The following LHX1 variants were observed in gnomAD, a reference collection of about 807,000 sequenced individuals.
The protein encoded by LHX1 is LIM homeobox 1, also known as LIM/homeobox protein Lhx1.
A neutral mutation model predicts 34.1 loss-of-function variants in LHX1; 9 were observed. That is an observed-to-expected ratio of 0.26 (90% CI 0.16 to 0.46). LHX1 has a LOEUF of 0.46. LHX1 is among the 20% of genes least tolerant of loss of function. The pLI is 1.00. For synonymous variants in LHX1, 254 were observed against 241.5 expected (o/e 1.05, Z -0.48); for missense variants, 446 against 559.1 (o/e 0.80, Z 2.04).
chr17:36,938,308 C>T lies in LHX1; in HGVS notation c.111C>T (p.Asn37=). ...TCCAGTGCTGTGAATGTAAATGCAACCTGACCGAGAAGTGCTTCTCCAGGG... is the reference window on the plus strand; with the variant it reads ...TCCAGTGCTGTGAATGTAAATGCAATCTGACCGAGAAGTGCTTCTCCAGGG... ...KCVQCCECKC[N]LTEKCFSREG... is the part of the protein sequence containing the mutation. Residue 37 remains asparagine, a synonymous_variant, in exon 1 of 5, where the codon AAC becomes AAT. Coordinates refer to ENST00000614239, the MANE Select transcript of LHX1 (RefSeq NM_005568.5). 6.2e-7 allele frequency: 1 copy of T among 1,614,206 alleles called. No individual in the cohort carries two copies. Among genetic ancestry groups the T allele is most frequent in the Middle Eastern group, 1.6e-4 (1 of 6,062 alleles).
In LHX1 at chr17:36,943,127, G is replaced by C. The variant is rs748767388; in HGVS notation, c.1217G>C (p.Trp406Ser). Residue 406 changes from tryptophan to serine, a missense_variant, in exon 5 of 5, where the codon TGG becomes TCG. Physicochemically the swap from Trp to Ser is radical, Grantham distance 177 (BLOSUM62 -3). Around this residue, in one of 3 missense-constraint regions of LHX1, gnomAD observed 235 missense variants for 224.4 expected, o/e 1.05. Coordinates refer to ENST00000614239, the MANE Select transcript of LHX1 (RefSeq NM_005568.5). ...HPPEMNEAAV[W>S] ...CCCGAAATGAACGAGGCGGCCGTGT[G>C]GTAGCGGGGTCTCGCACGGTCTGCG... 6.2e-7 allele frequency: 1 copy of C among 1,612,330 alleles called. No individual in the cohort carries two copies. Among genetic ancestry groups the C allele is most frequent in the Non-Finnish European group, 8.5e-7 (1 of 1,179,798 alleles).
rs576591349 is a variant in LHX1 at position 36,944,597 on chromosome 17, G to T, written c.*1466G>T. On this transcript the variant is annotated 3_prime_UTR_variant, in exon 5 of 5. Coordinates refer to ENST00000614239, the MANE Select transcript of LHX1 (RefSeq NM_005568.5). ...AATTTGTGAGTTTTTAATAAAAATA[G>T]AAAATCTGATGTTTAGATAATTGGT... The T allele has an allele frequency of 1.9e-4, 29 of 152,288 alleles. No homozygotes were observed. The highest frequency in any genetic ancestry group is 6.5e-4 in the African/African-American group (27 of 41,560). 9.4% of individuals were successfully genotyped at this position (152,288 alleles called of 1,614,324 possible).
intron 4 of LHX1, 41 bp downstream of exon 4, chr17:36,942,406 C>A (rs921692516): frequency 1.9e-6 from 3 of 1,549,026 alleles, no homozygotes; most frequent in Non-Finnish European, 1.7e-6. Flanking sequence ...CAGGTCGGGG[C>A]GGGCTTCGTT....
chr17:36,941,120 G>A (rs1314680699), intron 3 of LHX1: 3 of 747,034 alleles, frequency 4.0e-6, no homozygotes, highest in Non-Finnish European at 7.0e-6. Flanking sequence ...GAGGGGGAGG[G>A]ACGGGAGTTC....
Position 36,942,879 on chromosome 17 carries a change from C to G in LHX1, c.969C>G (p.Pro323=). The part of the protein sequence containing the change: ...FVPSSGPSGT[P]LGGLEHPLPG... Reference sequence around the variant, plus strand: ...CGTCATCTGGGCCGTCCGGGACGCCCCTGGGTGGCCTGGAGCACCCGCTGC... The same window carrying G: ...CGTCATCTGGGCCGTCCGGGACGCCGCTGGGTGGCCTGGAGCACCCGCTGC... Residue 323 remains proline (P), a synonymous_variant, in exon 5 of 5, where the codon CCC becomes CCG. Coordinates refer to ENST00000614239, the MANE Select transcript of LHX1 (RefSeq NM_005568.5). 1 of 1,593,654 alleles carries G rather than the reference C, an allele frequency of 6.3e-7. No individual in the cohort carries two copies. The highest frequency in any genetic ancestry group is 8.5e-7 in the Non-Finnish European group (1 of 1,169,952).
chr17:36,938,671 T>C (rs2070745479), intron 1 of LHX1: 1 of 518,874 alleles, frequency 1.9e-6, no homozygotes, highest in Non-Finnish European at 3.5e-6. Flanking sequence ...GCCTCGGGCG[T>C]TGTAGCCCGG....
intron 1 of LHX1, among the ~76,000 whole-genome samples, chr17:36,939,224 T>G (rs1264104283): frequency 2.6e-5 from 4 of 152,218 alleles, no homozygotes; most frequent in Non-Finnish European, 5.9e-5. Flanking sequence ...CTCACAATTT[T>G]GCCGCTCCAT....
At chr17:36,942,087 G>A (rs2070768478) in intron 3 of LHX1, 113 bp from the exon 4 acceptor site, 9 of 1,087,548 alleles carry the variant, frequency 8.3e-6, no homozygotes, top group East Asian at 5.2e-5. Flanking sequence ...ACACACAAGC[G>A]CGCGCGCGCG....
At chr17:36,941,536 C>A (rs977692859) in intron 3 of LHX1, 15 of 249,238 alleles carry the variant, frequency 6.0e-5, no homozygotes, top group African/African-American at 3.0e-4. Context: ...TCCGGTTCAC[C>A]GGGCCTGATG....
intron 4 of LHX1, among the ~76,000 whole-genome samples, 171 bp from the exon 5 acceptor site, chr17:36,942,581 G>A (rs1388986873): frequency 1.3e-5 from 2 of 152,198 alleles, no homozygotes; most frequent in Non-Finnish European, 2.9e-5. Flanking sequence ...GGCAGCTCCC[G>A]GGCTTGCGCC....
intron 1 of LHX1, 121 bp from the exon 2 acceptor site, chr17:36,940,169 C>G: frequency 1.5e-6 from 1 of 676,706 alleles, no homozygotes; most frequent in South Asian, 1.7e-5. Flanking sequence ...TTCCTCCTCT[C>G]CTACTTCCTC....
In LHX1 at chr17:36,937,815, T is replaced by C. The variant is rs367563768; in HGVS notation, c.-383T>C. On this transcript the variant is annotated 5_prime_UTR_variant, in exon 1 of 5. Coordinates refer to ENST00000614239, the MANE Select transcript of LHX1 (RefSeq NM_005568.5). ...TCGGCGAGTCGTCGTCTTCTTCTTCTCCGTTTTTATTTATTTATTTCCGTT... is the reference window on the plus strand; with the variant it reads ...TCGGCGAGTCGTCGTCTTCTTCTTCCCCGTTTTTATTTATTTATTTCCGTT... 22 of 499,984 alleles carry C rather than the reference T, an allele frequency of 4.4e-5. No individual in the cohort carries two copies. The highest frequency in any genetic ancestry group is 2.8e-4 in the South Asian group (18 of 64,936). The allele number at this position is 499,984 out of a possible 1,614,324, so 31.0% of individuals were successfully genotyped here. A position where few individuals can be genotyped will look rare whatever the true frequency, so the allele number is the denominator to read the frequency against.
rs1390473319 is a variant in LHX1 at position 36,943,252 on chromosome 17, C to G, written c.*121C>G. 8.2e-7 allele frequency: 1 copy of G among 1,213,738 alleles called. No homozygotes were observed. The highest frequency in any genetic ancestry group is 1.1e-6 in the Non-Finnish European group (1 of 885,894). 75.2% of individuals were successfully genotyped at this position (1,213,738 alleles called of 1,614,324 possible). A position where few individuals can be genotyped will look rare whatever the true frequency, so the allele number is the denominator to read the frequency against. On this transcript the variant is annotated 3_prime_UTR_variant, in exon 5 of 5. Coordinates refer to ENST00000614239, the MANE Select transcript of LHX1 (RefSeq NM_005568.5). Reference sequence around the variant, plus strand: ...ACCCCCTTCCTCCAGCCTCGAGAACCATTCTCCTTCTGGGGAGACCGGATG... The same window carrying G: ...ACCCCCTTCCTCCAGCCTCGAGAACGATTCTCCTTCTGGGGAGACCGGATG...
rs552938457 is a variant in LHX1, at chr17:36,942,531, C to A, written c.841+166C>A. Among the ~76,000 whole-genome samples, 8 of 152,292 alleles carry A rather than the reference C, an allele frequency of 5.3e-5. No homozygotes were observed. The South Asian group carries it at 1.0e-3, about 20-fold the overall frequency. ...CAAGGGGAGGCGGCGAGACCGAGGA[C>A]CCAATTCACGGCCCTGAATAACGGG... On this transcript the variant is annotated intron_variant, in intron 4 of 4. Transcript: ENST00000614239.
chr17:36,940,552 G>T (rs755149226), intron 2 of LHX1, 36 bp downstream of exon 2: 4 of 1,613,622 alleles, frequency 2.5e-6, no homozygotes, highest in Middle Eastern at 1.6e-4. Flanking sequence ...AGGTGCAAGC[G>T]GGTCCTGGGG....
At chr17:36,942,492 G>A in intron 4 of LHX1, 127 bp downstream of exon 4, 1 of 1,064,430 alleles carries the variant, frequency 9.4e-7, no homozygotes, top group Non-Finnish European at 1.3e-6. Context: ...GTAGGGAGAA[G>A]GCTGGGAGTA....
rs748261059 is a variant in LHX1, at chr17:36,938,156, C to T, written c.-42C>T. ...GAGTCATCCCCTGGGCTCTACTTTG[C>T]CCCTCTCTCTCTCTGGGCCTCATCA... On this transcript the variant is annotated 5_prime_UTR_variant, in exon 1 of 5. Coordinates refer to ENST00000614239, the MANE Select transcript of LHX1 (RefSeq NM_005568.5). 6.2e-7 allele frequency: 1 copy of T among 1,601,346 alleles called. No individual in the cohort carries two copies. Among genetic ancestry groups the T allele is most frequent in the Admixed American group, 1.7e-5 (1 of 60,000 alleles).
rs892836227 is a variant in LHX1 at position 36,937,923 on chromosome 17, T to C, written c.-275T>C. On this transcript the variant is annotated 5_prime_UTR_variant, in exon 1 of 5. Transcript: ENST00000614239. ...ATTCTCTCCCGCCTGAGACTTCTTT[T>C]CCTCGCCCCGGGAGCTCAGGCGGCG... 6 of 600,682 alleles carry C rather than the reference T, an allele frequency of 1.0e-5. No individual in the cohort carries two copies. Among genetic ancestry groups the C allele is most frequent in the Non-Finnish European group, 1.8e-5 (6 of 330,690 alleles). The allele number at this position is 600,682 out of a possible 1,614,324, so 37.2% of individuals were successfully genotyped here.
chr17:36,942,376 G>A lies in LHX1; in HGVS notation c.841+11G>A, dbSNP rs1292036410. On this transcript the variant is annotated intron_variant, in intron 4 of 4. Transcript: ENST00000614239. Reference sequence around the variant, plus strand: ...TCTCCTTCTACGGAGGTGGGTGCGCGCCGAATGGCGGGGCGCGGCCAGGTC... The same window carrying A: ...TCTCCTTCTACGGAGGTGGGTGCGCACCGAATGGCGGGGCGCGGCCAGGTC... The A allele has an allele frequency of 6.4e-7, 1 of 1,573,906 alleles. No homozygotes were observed. The highest frequency in any genetic ancestry group is 1.4e-5 in the African/African-American group (1 of 74,044).
Sources: gnomAD v4.1 joint callset for allele counts (sites outside exome capture counted in the v4.1 genomes callset) on GRCh38, gnomAD v4.1.1 for gene constraint, gnomAD v4.1.1 regional missense constraint, MANE v1.5 for transcripts, NCBI Gene and HGNC (gene_info 2026-07-23, HGNC 2026-07-21) for gene names.